Variants in DPYSL2 observed in about 807,000 individuals in gnomAD.
The protein encoded by DPYSL2 is dihydropyrimidinase-related protein 2.
Under a neutral mutation model 69.9 loss-of-function variants are expected in DPYSL2, and 13 were observed. That is an observed-to-expected ratio of 0.19 (90% CI 0.12 to 0.30). The LOEUF (loss-of-function observed/expected upper bound fraction) is 0.30, where lower values mean the gene tolerates loss of function less well. DPYSL2 is among the 10% of genes least tolerant of loss of function. The pLI is 1.00. For synonymous variants in DPYSL2, 326 were observed against 359.1 expected, an observed-to-expected ratio of 0.91 and a Z score of 1.04; for missense variants, 587 against 918.9, an observed-to-expected ratio of 0.64 and a Z score of 4.67.
intron 1 of DPYSL2, among the ~76,000 whole-genome samples, chr8:26,518,484 T>C (rs926933849): frequency 1.3e-5 from 2 of 152,200 alleles, no homozygotes; most frequent in African/African-American, 4.8e-5. Flanking sequence ...TTTGCCACCT[T>C]ACCCATTTTT....
chr8:26,549,483 G>T (rs1800837983), intron 1 of DPYSL2, among the ~76,000 whole-genome samples: 1 of 152,130 alleles, frequency 6.6e-6, no homozygotes, highest in Admixed American at 6.5e-5. Flanking sequence ...CAGAAAGACA[G>T]AAAGGGACAG....
rs1441592465 is a variant in DPYSL2, at chr8:26,582,834, G to A, written c.443+777G>A. ...ATTCATCAAGGGATAGCTGTAAACC[G>A]GTCCAGAGGAGTGGAAAACTGGAGT... On this transcript the variant is annotated intron_variant, in intron 2 of 13. Coordinates refer to ENST00000521913, the MANE Select transcript of DPYSL2 (RefSeq NM_001197293.3). This position sits in a 1 kb window ranked among gnomAD's most constrained non-coding sequence, Gnocchi z 4.1. 1.3e-5 allele frequency among the ~76,000 whole-genome samples: 2 copies of A among 152,150 alleles called. No individual in the cohort carries two copies. Among genetic ancestry groups the A allele is most frequent in the Non-Finnish European group, 2.9e-5 (2 of 68,028 alleles).
chr8:26,594,581 A>G (rs1801816223), intron 3 of DPYSL2, among the ~76,000 whole-genome samples: 1 of 152,080 alleles, frequency 6.6e-6, no homozygotes, highest in African/African-American at 2.4e-5. Context: ...TCTCTATTTA[A>G]TCCATCGTCT....
chr8:26,574,579 G>A (rs935889212), intron 1 of DPYSL2, among the ~76,000 whole-genome samples: 3 of 152,098 alleles, frequency 2.0e-5, no homozygotes, highest in Non-Finnish European at 4.4e-5. Flanking sequence ...CTGTGATTGC[G>A]GAACAGGCAA....
chr8:26,597,414 A>C lies in DPYSL2; in HGVS notation c.628+13431A>C, dbSNP rs928464274. ...TTTGGCGTGGGCTTTTATGAGGTTC[A>C]TTAGGCTCAGCACCTCCCATGTCTG... is the stretch of plus-strand genomic sequence containing the variant. On this transcript the variant is annotated intron_variant, in intron 3 of 13. Coordinates refer to ENST00000521913, the MANE Select transcript of DPYSL2 (RefSeq NM_001197293.3). This position sits in a 1 kb window ranked among gnomAD's most constrained non-coding sequence, Gnocchi z 5.2. 6.6e-6 allele frequency among the ~76,000 whole-genome samples: 1 copy of C among 152,146 alleles called. No homozygotes were observed. The highest frequency in any genetic ancestry group is 1.9e-4 in the East Asian group (1 of 5,192).
rs1263235751 is a variant in DPYSL2 at position 26,654,932 on chromosome 8, C to T, written c.1943-683C>T. Among the ~76,000 whole-genome samples, 11 of 152,150 alleles carry T rather than the reference C, an allele frequency of 7.2e-5. No individual in the cohort carries two copies. Among genetic ancestry groups the T allele is most frequent in the Admixed American group, 6.5e-4 (10 of 15,272 alleles). ...TCACAGCTCACTGCAGCCTCGACCT[C>T]CTGGGCTCAAGTGATCCTCCCAGCT... On this transcript the variant is annotated intron_variant, in intron 13 of 13. Transcript: ENST00000521913. This position sits in a 1 kb window ranked among gnomAD's most constrained non-coding sequence, Gnocchi z 5.0.
rs1286229961 is a variant in DPYSL2, at chr8:26,586,500, A to T, written c.628+2517A>T. 6.6e-6 allele frequency among the ~76,000 whole-genome samples: 1 copy of T among 151,778 alleles called. No individual in the cohort carries two copies. Among genetic ancestry groups the T allele is most frequent in the Admixed American group, 6.6e-5 (1 of 15,238 alleles). On this transcript the variant is annotated intron_variant, in intron 3 of 13. Coordinates refer to ENST00000521913, the MANE Select transcript of DPYSL2 (RefSeq NM_001197293.3). The surrounding 1 kb of genome is among the most constrained non-coding windows in gnomAD (Gnocchi z 4.7). ...TCCTGGGTCTGCCTCTTCCCTCCAC[A>T]CGCTCGCCCCGTGCTTAGGCCCCCA...
intron 1 of DPYSL2, among the ~76,000 whole-genome samples, chr8:26,524,396 G>A (rs542998234): frequency 6.6e-6 from 1 of 152,008 alleles, no homozygotes; most frequent in East Asian, 1.9e-4. Flanking sequence ...GATGACATTG[G>A]TAAACAAATT....
At chr8:26,631,542 G>A (rs775034743) in intron 7 of DPYSL2, among the ~76,000 whole-genome samples, 23 of 152,186 alleles carry the variant, frequency 1.5e-4, no homozygotes, top group Non-Finnish European at 2.5e-4. Flanking sequence ...CCATGTCATT[G>A]CTATTTCAAC....
chr8:26,531,062 G>GA (rs11343463), intron 1 of DPYSL2, among the ~76,000 whole-genome samples: 63 of 132,874 alleles, frequency 4.7e-4, no homozygotes, highest in African/African-American at 1.0e-3. Context: ...TCGTCTCAAA[G>GA]AAAAAAAAAA....
intron 1 of DPYSL2, among the ~76,000 whole-genome samples, chr8:26,581,426 T>A (rs193289199): frequency 6.6e-6 from 1 of 151,734 alleles, no homozygotes; most frequent in Non-Finnish European, 1.5e-5. Flanking sequence ...CAGGCTGGGG[T>A]GCAGTGACGT....
rs1439732215 is a variant in DPYSL2, at chr8:26,647,091, C to T, written c.1426-539C>T. On this transcript the variant is annotated intron_variant, in intron 10 of 13. Transcript: ENST00000521913. This position sits in a 1 kb window ranked among gnomAD's most constrained non-coding sequence, Gnocchi z 5.1. Reference sequence around the variant, plus strand: ...TCCTAAAGAGGGATTGCCACCCCTGCAAATTAAACGAATTTTTTTTTGTTT... The same window carrying T: ...TCCTAAAGAGGGATTGCCACCCCTGTAAATTAAACGAATTTTTTTTTGTTT... Among the ~76,000 whole-genome samples the T allele has an allele frequency of 1.3e-5, 2 of 151,996 alleles. No individual in the cohort carries two copies. Among genetic ancestry groups the T allele is most frequent in the African/African-American group, 4.8e-5 (2 of 41,370 alleles).
At chr8:26,635,040 C>G in intron 8 of DPYSL2, 140 bp downstream of exon 8, 1 of 1,292,264 alleles carries the variant, frequency 7.7e-7, no homozygotes, top group South Asian at 1.5e-5. Flanking sequence ...AACCTAATTA[C>G]AGCCGGGCAA....
intron 8 of DPYSL2, among the ~76,000 whole-genome samples, chr8:26,639,589 G>C (rs1469790916): frequency 1.3e-5 from 2 of 152,192 alleles, no homozygotes; most frequent in African/African-American, 2.4e-5. Flanking sequence ...TGTGGTGCTT[G>C]AGCTGGGAAT....
chr8:26,534,508 G>A (rs934972659), intron 1 of DPYSL2, among the ~76,000 whole-genome samples: 1 of 152,122 alleles, frequency 6.6e-6, no homozygotes, highest in Admixed American at 6.5e-5. Context: ...GAGCTCTGGA[G>A]CCAGTTACCA....
In DPYSL2 at chr8:26,544,847, C is replaced by A. The variant is rs550863416; in HGVS notation, c.354+30168C>A. On this transcript the variant is annotated intron_variant, in intron 1 of 13. Coordinates refer to ENST00000521913, the MANE Select transcript of DPYSL2 (RefSeq NM_001197293.3). The stretch of plus-strand genomic sequence containing the variant: ...TATGCAAATAGTAACCAAAAGAAAC[C>A]AGAGGGGGCTATACTTATATCAGAC... 2.6e-5 allele frequency among the ~76,000 whole-genome samples: 4 copies of A among 152,210 alleles called. No homozygotes were observed. In the South Asian group the frequency reaches 8.3e-4, roughly 32 times the overall value.
At chr8:26,649,046 C>G (rs535041328) in intron 11 of DPYSL2, among the ~76,000 whole-genome samples, 156 of 152,334 alleles carry the variant, frequency 1.0e-3, no homozygotes, top group Admixed American at 3.1e-3. Context: ...GGGCCCTGCC[C>G]CATGAACCTC....
intron 1 of DPYSL2, among the ~76,000 whole-genome samples, chr8:26,540,975 G>T (rs1800674205): frequency 6.7e-6 from 1 of 150,014 alleles, no homozygotes; most frequent in African/African-American, 2.4e-5. Flanking sequence ...ATTGTAAGTT[G>T]AACCATCATA....
intron 3 of DPYSL2, among the ~76,000 whole-genome samples, chr8:26,594,524 T>C (rs1249269623): frequency 2.0e-5 from 3 of 152,194 alleles, no homozygotes; most frequent in Admixed American, 6.5e-5. Flanking sequence ...ATCTATCTGG[T>C]CTATATCTAT....
Sources: allele counts gnomAD v4.1 joint callset (sites outside exome capture counted in the v4.1 genomes callset), GRCh38; gene constraint gnomAD v4.1.1; non-coding constraint Gnocchi (gnomAD v3.1); transcripts MANE v1.5; gene names NCBI Gene and HGNC (gene_info 2026-07-23, HGNC 2026-07-21).